The following JAG1 variants were observed in gnomAD, a reference collection of about 807,000 sequenced individuals.
JAG1 encodes the protein protein jagged-1.
In JAG1, 23 loss-of-function variants were observed where a neutral mutation model predicts 148.7. The observed-to-expected ratio is 0.15, with a 90% CI of 0.11 to 0.22. The LOEUF (loss-of-function observed/expected upper bound fraction) is 0.22. Among genes scored for constraint, JAG1 ranks in the 10% least tolerant of loss-of-function variants. The pLI, the probability that JAG1 is intolerant of heterozygous loss-of-function variation, is 1.00. For synonymous variants in JAG1, 572 were observed against 598.3 expected (o/e 0.96, Z 0.64); for missense variants, 1,054 against 1,611.2 (o/e 0.65, Z 5.92).
chr20:10,647,917 G>C (rs1402289930), intron 13 of JAG1, 43 bp downstream of exon 13: 12 of 1,609,674 alleles, frequency 7.5e-6, no homozygotes, highest in Non-Finnish European at 1.0e-5. Context: ...GGGACAAAAG[G>C]AGCAAGTCTG....
At chr20:10,656,529 C>T in intron 4 of JAG1, 71 bp from the exon 5 acceptor site, 1 of 1,304,834 alleles carries the variant, frequency 7.7e-7, no homozygotes, top group South Asian at 1.2e-5. Context: ...TGAGAATGGC[C>T]CATTGCATTA....
chr20:10,640,950 C>T lies in JAG1; in HGVS notation c.3049-17G>A. On this transcript the variant is annotated splice_polypyrimidine_tract_variant and intron_variant, in intron 24 of 25. Coordinates refer to ENST00000254958, the MANE Select transcript of JAG1 (RefSeq NM_000214.3). The stretch of plus-strand genomic sequence containing the variant: ...TTCAGCAGACTGGAAAAACAATTGT[C>T]AGACTTGAGAGTCAGAGGAATACTC... The T allele has an allele frequency of 6.2e-7, 1 of 1,614,058 alleles. No individual in the cohort carries two copies. Among genetic ancestry groups the T allele is most frequent in the Middle Eastern group, 1.6e-4 (1 of 6,062 alleles).
In JAG1 at chr20:10,673,532, G is replaced by A; in HGVS notation, c.-2C>T. The A allele has an allele frequency of 1.7e-5, 21 of 1,240,764 alleles. No homozygotes were observed. The highest frequency in any genetic ancestry group is 2.1e-5 in the Non-Finnish European group (21 of 984,622). The allele number at this position is 1,240,764 out of a possible 1,614,324, so 76.9% of individuals were successfully genotyped here. On this transcript the variant is annotated 5_prime_UTR_variant, in exon 1 of 26. Coordinates refer to ENST00000254958, the MANE Select transcript of JAG1 (RefSeq NM_000214.3). This position sits in a 1 kb window ranked among gnomAD's most constrained non-coding sequence, Gnocchi z 4.7. Reference sequence around the variant, plus strand: ...GCCGCGCGTCCGTGGGGAACGCATCGCTGCGCCGCGCGCCGCGGGCACTCG... The same window carrying A: ...GCCGCGCGTCCGTGGGGAACGCATCACTGCGCCGCGCGCCGCGGGCACTCG...
chr20:10,654,997 G>A (rs2067369300), intron 5 of JAG1, among the ~76,000 whole-genome samples: 1 of 152,204 alleles, frequency 6.6e-6, no homozygotes, highest in African/African-American at 2.4e-5. Context: ...AGTTAAGGTA[G>A]GTGGATTCCT....
In JAG1 at chr20:10,647,077, C is replaced by T. The variant is rs1170183740; in HGVS notation, c.1747G>A (p.Ala583Thr). 2 of 1,614,206 alleles carry T rather than the reference C, an allele frequency of 1.2e-6. No homozygotes were observed. The highest frequency in any genetic ancestry group is 1.1e-5 in the South Asian group (1 of 91,086). Residue 583 changes from alanine (A) to threonine (T), a missense_variant, in exon 14 of 26, where the codon GCT (alanine) becomes ACT (threonine). Ala to Thr is a moderately conservative substitution (Grantham distance 58). Around this residue, in one of 6 missense-constraint regions of JAG1, gnomAD observed 245 missense variants for 373.1 expected, o/e 0.66. Coordinates refer to ENST00000254958, the MANE Select transcript of JAG1 (RefSeq NM_000214.3). The part of the protein sequence containing the change: ...EVIDSCTVAM[A>T]SNDTPEGVRY... ...ACCCCTTCAGGTGTGTCGTTGGAAG[C>T]CATGGCCACTGTGCAGCTGTCAATC...
In JAG1 at chr20:10,651,712, G is replaced by C. The variant is rs201685348; in HGVS notation, c.1007-18C>G. On this transcript the variant is annotated intron_variant, in intron 7 of 25. Transcript: ENST00000254958. The stretch of plus-strand genomic sequence containing the variant: ...GTGCTCAGCTGCAAAAACCAGGATG[G>C]CAGTCAGAGAGGGATGCCTGCACAC... The C allele has an allele frequency of 6.5e-7, 1 of 1,545,106 alleles. No individual in the cohort carries two copies. The highest frequency in any genetic ancestry group is 2.3e-5 in the East Asian group (1 of 44,402).
chr20:10,646,423 T>C (rs1390384903), intron 14 of JAG1: 1 of 381,670 alleles, frequency 2.6e-6, no homozygotes, highest in African/African-American at 2.1e-5. Flanking sequence ...AGTGATCTGG[T>C]AAATTGAACA....
chr20:10,641,418 A>G, intron 23 of JAG1, 42 bp downstream of exon 23: 1 of 1,554,708 alleles, frequency 6.4e-7, no homozygotes, highest in Non-Finnish European at 8.8e-7. Context: ...GCAAGCAAGC[A>G]GACATCCACC....
At chr20:10,651,511 T>C (rs2067346110) in intron 8 of JAG1, 70 bp downstream of exon 8, 1 of 1,024,556 alleles carries the variant, frequency 9.8e-7, no homozygotes, top group Non-Finnish European at 1.5e-6. Context: ...CAAGCCTAGG[T>C]ACCTCTCCCC....
rs375631340 is a variant in JAG1 at position 10,647,152 on chromosome 20, G to A, written c.1721-49C>T. ...ATCACAGCCATGCACCCACAGATGC[G>A]GCATTCCTAAGCCAAGGGCCTGGGC... On this transcript the variant is annotated intron_variant, in intron 13 of 25. Transcript: ENST00000254958. 2.1e-5 allele frequency: 34 copies of A among 1,609,714 alleles called. 1 individual carries two copies. The African/African-American group carries it at 2.7e-4, about 13-fold the overall frequency.
chr20:10,656,325 T>C (rs1476953971), intron 5 of JAG1, 73 bp downstream of exon 5: 2 of 1,235,414 alleles, frequency 1.6e-6, no homozygotes, highest in Non-Finnish European at 2.4e-6. Flanking sequence ...AGAGGCATAG[T>C]CACAATAAAG....
chr20:10,646,521 T>C (rs1051086628), intron 14 of JAG1, among the ~76,000 whole-genome samples: 2 of 151,796 alleles, frequency 1.3e-5, no homozygotes, highest in African/African-American at 4.8e-5. Flanking sequence ...ATTTCAACAC[T>C]GCTGGGCATG....
chr20:10,646,909 C>T (rs769617195), intron 14 of JAG1, 30 bp downstream of exon 14: 2 of 1,611,304 alleles, frequency 1.2e-6, no homozygotes, highest in South Asian at 2.2e-5. Flanking sequence ...CTGGGGAGCA[C>T]TGGTCCATTC....
intron 3 of JAG1, 57 bp from the exon 4 acceptor site, chr20:10,658,779 C>T (rs1251069227): frequency 6.9e-6 from 11 of 1,599,828 alleles, no homozygotes; most frequent in Non-Finnish European, 9.4e-6. Flanking sequence ...CTTCCCTGAC[C>T]ATTTTGGCTT....
chr20:10,652,022 G>A, intron 7 of JAG1, 109 bp downstream of exon 7: 1 of 1,275,994 alleles, frequency 7.8e-7, no homozygotes. Context: ...GCCTATCTTT[G>A]GAAGCTATTT....
At chr20:10,663,605 C>T (rs2067432065) in intron 3 of JAG1, among the ~76,000 whole-genome samples, 1 of 152,234 alleles carries the variant, frequency 6.6e-6, no homozygotes, top group Non-Finnish European at 1.5e-5. Context: ...AGAGATTAAA[C>T]ACTCACTTAA....
At position 10,658,665 on chromosome 20, in the gene JAG1, T is replaced by C; in HGVS notation, c.497A>G (p.Gln166Arg). The change falls in exon 4 of 26, where the codon CAG becomes CGG. Residue 166 changes from glutamine (Q) to arginine (R), a missense_variant. By Grantham distance (43) the Gln-to-Arg change is conservative. Around this residue, in one of 6 missense-constraint regions of JAG1, gnomAD observed 104 missense variants for 235.2 expected, o/e 0.44. Transcript: ENST00000254958. Reference sequence around the variant, plus strand: ...CGTGTTCTGCTTCAGCGTCTGCCACTGCCGGCTGGGGTTGATCATGCCCGA... The same window carrying C: ...CGTGTTCTGCTTCAGCGTCTGCCACCGCCGGCTGGGGTTGATCATGCCCGA... The part of the protein sequence containing the change: ...SHSGMINPSR[Q>R]WQTLKQNTGV... 2 of 1,614,278 alleles carry C rather than the reference T, an allele frequency of 1.2e-6. No individual in the cohort carries two copies. The highest frequency in any genetic ancestry group is 1.7e-6 in the Non-Finnish European group (2 of 1,180,044).
In JAG1 at chr20:10,638,245, C is replaced by G. The variant is rs1252557068; in HGVS notation, c.*1253G>C. On this transcript the variant is annotated 3_prime_UTR_variant, in exon 26 of 26. Coordinates refer to ENST00000254958, the MANE Select transcript of JAG1 (RefSeq NM_000214.3). The stretch of plus-strand genomic sequence containing the variant: ...TGATCTTACTGGACATTTTATGGTT[C>G]AAGTATTCAACTAGCTTATTAGAAT... 2 of 151,934 alleles carry G rather than the reference C, an allele frequency of 1.3e-5. No homozygotes were observed. Among genetic ancestry groups the G allele is most frequent in the Non-Finnish European group, 2.9e-5 (2 of 67,954 alleles). The allele number at this position is 151,934 out of a possible 1,614,324, so 9.4% of individuals were successfully genotyped here.
In JAG1 at chr20:10,641,167, G is replaced by C; in HGVS notation, c.2994C>G (p.Ile998Met). The change falls in exon 24 of 26, where the codon ATC becomes ATG. Residue 998 changes from isoleucine (I) to methionine (M), a missense_variant. Ile to Met is a conservative substitution (Grantham distance 10). Coordinates refer to ENST00000254958, the MANE Select transcript of JAG1 (RefSeq NM_000214.3). ...AAGGGGAAGGCTCGCAAGCGATGTA[G>C]ATTGAATATTCAGCGGAAACATTCT... ...ILKNVSAEYS[I>M]YIACEPSPSA... is the part of the protein sequence containing the mutation. 6.2e-7 allele frequency: 1 copy of C among 1,613,982 alleles called. No individual in the cohort carries two copies. Among genetic ancestry groups the C allele is most frequent in the Non-Finnish European group, 8.5e-7 (1 of 1,180,010 alleles).
Sources: allele counts gnomAD v4.1 joint callset (sites outside exome capture counted in the v4.1 genomes callset), GRCh38; gene constraint gnomAD v4.1.1; regional missense constraint gnomAD v4.1.1; non-coding constraint Gnocchi (gnomAD v3.1); transcripts MANE v1.5; gene names NCBI Gene and HGNC (gene_info 2026-07-23, HGNC 2026-07-21).